The following MYO10 variants were observed in gnomAD, a reference collection of about 807,000 sequenced individuals.
MYO10 encodes unconventional myosin-X.
Under a neutral mutation model 257.3 loss-of-function variants are expected in MYO10, and 133 were observed. The observed-to-expected ratio is 0.52, with a 90% CI of 0.45 to 0.60. MYO10 has a LOEUF of 0.60. MYO10 is among the 20% of genes least tolerant of loss of function. The pLI is 0.00. For missense variants in MYO10, 2,399 were observed against 2,635.7 expected, an observed-to-expected ratio of 0.91 and a Z score of 1.97; for synonymous variants, 1,104 against 1,028.6, an observed-to-expected ratio of 1.07 and a Z score of -1.40.
chr5:16,668,222 T>C (rs2126451786), intron 40 of MYO10, 55 bp downstream of exon 40: 2 of 1,521,552 alleles, frequency 1.3e-6, no homozygotes, highest in South Asian at 2.6e-5. Flanking sequence ...TGGGGTCCTG[T>C]TTTTCTGTTT....
At chr5:16,693,399 A>C (rs1737593712) in intron 27 of MYO10, among the ~76,000 whole-genome samples, 1 of 152,114 alleles carries the variant, frequency 6.6e-6, no homozygotes, top group Admixed American at 6.5e-5. Context: ...TCACAAGCGC[A>C]CTCCCGCACC....
At chr5:16,725,529 T>A (rs937031978) in intron 19 of MYO10, among the ~76,000 whole-genome samples, 5 of 152,138 alleles carry the variant, frequency 3.3e-5, no homozygotes, top group African/African-American at 1.2e-4. Flanking sequence ...CTCTATGAAT[T>A]AAATCAGTCC....
intron 4 of MYO10, among the ~76,000 whole-genome samples, chr5:16,793,931 C>A (rs200620012): frequency 1.7e-3 from 227 of 131,546 alleles, no homozygotes; most frequent in African/African-American, 1.7e-3. Flanking sequence ...AACTCCAACT[C>A]AAAAAAAAAA....
chr5:16,847,974 C>G (rs921269238), intron 2 of MYO10, among the ~76,000 whole-genome samples: 5 of 152,100 alleles, frequency 3.3e-5, no homozygotes, highest in African/African-American at 1.2e-4. Flanking sequence ...CTAGAGAAGA[C>G]AAGGTTGATA....
Position 16,694,392 on chromosome 5 carries a change from G to A in MYO10, c.3779C>T (p.Thr1260Ile), listed in dbSNP as rs1561186871. ...CTACTTTGCCGTTCGCACTTCTACG[G>A]TGCCCTTGAGCTTCTCCTCGCTGTC... is the stretch of plus-strand genomic sequence containing the variant. ...ENDSEEKLKGTVEVRTAKEII... is the reference protein window; with the variant it reads ...ENDSEEKLKGIVEVRTAKEII... The change falls in exon 27 of 41, where the codon ACC becomes ATC. Residue 1260 changes from threonine (T) to isoleucine (I), a missense_variant. Thr to Ile is a moderately conservative substitution (Grantham distance 89). Around this residue, in one of 3 missense-constraint regions of MYO10, gnomAD observed 1,820 missense variants for 1,939.4 expected, o/e 0.94. Transcript: ENST00000513610. 8 of 1,614,036 alleles carry A rather than the reference G, an allele frequency of 5.0e-6. No individual in the cohort carries two copies. Among genetic ancestry groups the A allele is most frequent in the Non-Finnish European group, 6.8e-6 (8 of 1,179,902 alleles).
chr5:16,875,757 T>A (rs1744583289), intron 2 of MYO10, among the ~76,000 whole-genome samples: 1 of 152,220 alleles, frequency 6.6e-6, no homozygotes, highest in South Asian at 2.1e-4. Flanking sequence ...AAGTAGCCCG[T>A]CTGCCTCAAA....
intron 2 of MYO10, among the ~76,000 whole-genome samples, chr5:16,841,227 C>G (rs1743472267): frequency 6.6e-6 from 1 of 151,420 alleles, no homozygotes; most frequent in South Asian, 2.1e-4. Flanking sequence ...AGTTATTATT[C>G]AGAAACAATG....
intron 3 of MYO10, among the ~76,000 whole-genome samples, chr5:16,808,218 T>C (rs988893763): frequency 1.3e-5 from 2 of 152,140 alleles, no homozygotes; most frequent in South Asian, 2.1e-4. Flanking sequence ...ATCCCAGCAC[T>C]TTAGGAAGCC....
chr5:16,801,351 G>A (rs536989549), intron 3 of MYO10, among the ~76,000 whole-genome samples: 9 of 152,172 alleles, frequency 5.9e-5, no homozygotes, highest in African/African-American at 2.2e-4. Context: ...GGGATTACAG[G>A]CGCCCACAAC....
In MYO10 at chr5:16,819,954, C is replaced by T. The variant is rs1440770487; in HGVS notation, c.121-1787G>A. Among the ~76,000 whole-genome samples the T allele has an allele frequency of 5.3e-5, 8 of 152,332 alleles. No individual in the cohort carries two copies. The East Asian group carries it at 1.5e-3, about 29-fold the overall frequency. Reference sequence around the variant, plus strand: ...CCCACCCGTCTCTTATGAAGAAAAGCCACTGTCCCCAGCTGCTTCCTGGGC... The same window carrying T: ...CCCACCCGTCTCTTATGAAGAAAAGTCACTGTCCCCAGCTGCTTCCTGGGC... On this transcript the variant is annotated intron_variant, in intron 2 of 40. Transcript: ENST00000513610.
chr5:16,710,916 T>A lies in MYO10; in HGVS notation c.2161A>T (p.Lys721Ter). Reference protein sequence around the residue: ...DASNSEWQLGKTKVFLRESLE... With the variant: ...DASNSEWQLG ...CTTTCTCCGCATCGTACCTTGGTCT[T>A]CCCCAGCTGCCACTCGCTGTTGGAG... is the stretch of plus-strand genomic sequence containing the variant. Residue 721 changes from lysine (K) to a stop codon, truncating the protein, a stop_gained, in exon 21 of 41, where the codon AAG becomes TAG. Coordinates refer to ENST00000513610, the MANE Select transcript of MYO10 (RefSeq NM_012334.3). LOFTEE classifies it high-confidence loss of function. The A allele has an allele frequency of 6.2e-7, 1 of 1,613,334 alleles. No homozygotes were observed. Among genetic ancestry groups the A allele is most frequent in the Non-Finnish European group, 8.5e-7 (1 of 1,179,732 alleles).
At chr5:16,910,533 CCTACA>C (rs1417716503) in intron 1 of MYO10, among the ~76,000 whole-genome samples, 1 of 152,130 alleles carries the variant, frequency 6.6e-6, no homozygotes, top group Non-Finnish European at 1.5e-5. Context: ...ATAACAATGT[CCTACA>C]CTAAAGGGGC....
chr5:16,827,473 G>T (rs1019496183), intron 2 of MYO10, among the ~76,000 whole-genome samples: 1 of 152,056 alleles, frequency 6.6e-6, no homozygotes, highest in African/African-American at 2.4e-5. Flanking sequence ...TTTTAGTAGA[G>T]ATGCGGTTTC....
intron 19 of MYO10, among the ~76,000 whole-genome samples, chr5:16,722,728 T>C (rs1739197317): frequency 2.0e-5 from 3 of 152,212 alleles, no homozygotes; most frequent in Admixed American, 6.5e-5. Context: ...CACAAAACTA[T>C]AAAACTCCTA....
intron 19 of MYO10, among the ~76,000 whole-genome samples, chr5:16,747,428 T>C (rs545424208): frequency 6.6e-6 from 1 of 152,206 alleles, no homozygotes; most frequent in South Asian, 2.1e-4. Flanking sequence ...TGTACCATGA[T>C]GAGTAACTCA....
chr5:16,810,762 G>A lies in MYO10; in HGVS notation c.279+7247C>T, dbSNP rs188576941. ...TGCACTCCAGCCTGGGTGACAGAGC[G>A]GGATCCTGTCTCTAAAACAAAATAA... On this transcript the variant is annotated intron_variant, in intron 3 of 40. Transcript: ENST00000513610. Among the ~76,000 whole-genome samples, 52 of 149,438 alleles carry A rather than the reference G, an allele frequency of 3.5e-4. No homozygotes were observed. The Middle Eastern group carries it at 0.011, about 32-fold the overall frequency.
intron 3 of MYO10, among the ~76,000 whole-genome samples, chr5:16,806,151 C>A (rs1742269441): frequency 6.6e-6 from 1 of 150,660 alleles, no homozygotes; most frequent in South Asian, 2.1e-4. Context: ...TTGAGACCAG[C>A]CTGGCCAACA....
rs1560979466 is a variant in MYO10, at chr5:16,777,839, C to CCTTTTTTTTTTTTTTTT, written c.930+1705_930+1706insAAAAAAAAAAAAAAAAG. Among the ~76,000 whole-genome samples, 81 of 88,472 alleles carry CCTTTTTTTTTTTTTTTT rather than the reference C, an allele frequency of 9.2e-4. 6 individuals carry two copies. Among genetic ancestry groups the CCTTTTTTTTTTTTTTTT allele is most frequent in the African/African-American group, 2.6e-3 (49 of 18,648 alleles). The allele number at this position is 88,472 out of a possible 152,430, so 58.0% of individuals were successfully genotyped here. A position where few individuals can be genotyped will look rare whatever the true frequency, so the allele number is the denominator to read the frequency against. On this transcript the variant is annotated intron_variant, in intron 9 of 40. Coordinates refer to ENST00000513610, the MANE Select transcript of MYO10 (RefSeq NM_012334.3). ...GCCACCCTAGGTGCATTGCATCTAA[C>CCTTTTTTTTTTTTTTTT]TTTTTTTTTTTTTTTTTTTTTTTTT...
Position 16,694,422 on chromosome 5 carries a change from T to A in MYO10, c.3749A>T (p.Glu1250Val). The A allele has an allele frequency of 6.2e-7, 1 of 1,614,044 alleles. No homozygotes were observed. Among genetic ancestry groups the A allele is most frequent in the Non-Finnish European group, 8.5e-7 (1 of 1,179,904 alleles). ...CTTGAGCTTCTCCTCGCTGTCGTTT[T>A]CAAAGTACATCAGCTTGGACTGGCG... is the stretch of plus-strand genomic sequence containing the variant. Reference protein sequence around the residue: ...VLRQSKLMYFENDSEEKLKGT... With the variant: ...VLRQSKLMYFVNDSEEKLKGT... The change falls in exon 27 of 41, where the codon GAA becomes GTA. Residue 1250 changes from glutamate to valine, a missense_variant. Physicochemically the swap from Glu to Val is moderately radical, Grantham distance 121 (BLOSUM62 -2). Coordinates refer to ENST00000513610, the MANE Select transcript of MYO10 (RefSeq NM_012334.3).
Sources: allele counts gnomAD v4.1 joint callset (sites outside exome capture counted in the v4.1 genomes callset), GRCh38; gene constraint gnomAD v4.1.1; regional missense constraint gnomAD v4.1.1; transcripts MANE v1.5; gene names NCBI Gene and HGNC (gene_info 2026-07-23, HGNC 2026-07-21).